FBXO47: variants seen among roughly 807,000 people sequenced by gnomAD.
The protein encoded by FBXO47 is F-box protein 47.
Under a neutral mutation model 53.9 loss-of-function variants are expected in FBXO47, and 34 were observed. That is an observed-to-expected ratio of 0.63 (90% CI 0.48 to 0.84). The LOEUF (loss-of-function observed/expected upper bound fraction) is 0.84. Among genes scored for constraint, FBXO47 ranks in the 40% least tolerant of loss-of-function variants. The probability of loss-of-function intolerance (pLI) is 0.00; values close to 1 mark genes in which losing one functional copy is unlikely to be tolerated. For synonymous variants in FBXO47, 165 were observed against 181.6 expected, an observed-to-expected ratio of 0.91 and a Z score of 0.73; for missense variants, 485 against 541.3, an observed-to-expected ratio of 0.90 and a Z score of 1.03.
intron 1 of FBXO47, among the ~76,000 whole-genome samples, chr17:38,963,288 C>T (rs1033443635): frequency 6.6e-5 from 10 of 152,198 alleles, no homozygotes; most frequent in African/African-American, 2.4e-4. Context: ...AGTGGTTCTT[C>T]TGCCTCAGCC....
chr17:38,966,062 T>A (rs1231072791), intron 1 of FBXO47, among the ~76,000 whole-genome samples: 1 of 152,174 alleles, frequency 6.6e-6, no homozygotes, highest in Non-Finnish European at 1.5e-5. Flanking sequence ...AATCTGCTTT[T>A]TTCAATGAAT....
chr17:38,943,704 G>T lies in FBXO47; in HGVS notation c.826C>A (p.Pro276Thr), dbSNP rs1408800329. Residue 276 changes from proline to threonine, a missense_variant, in exon 8 of 11, where the codon CCT becomes ACT. By Grantham distance (38) the Pro-to-Thr change is conservative. Transcript: ENST00000378079. The stretch of plus-strand genomic sequence containing the variant: ...CCTTTCAGACTGAATTCATCTGTAG[G>T]TTCTTCTATCATTTCCTGCCAAACC... ...QVVWQEMIEE[P>T]TDEFSLKGLA... The T allele has an allele frequency of 1.2e-6, 2 of 1,609,138 alleles. No individual in the cohort carries two copies.
intron 3 of FBXO47, among the ~76,000 whole-genome samples, chr17:38,960,418 A>G (rs1241024210): frequency 6.6e-6 from 1 of 152,146 alleles, no homozygotes; most frequent in East Asian, 1.9e-4. Context: ...ACATGAATAA[A>G]ACCATTTAAA....
At position 38,946,410 on chromosome 17, in the gene FBXO47, AT is replaced by A. The variant is rs1353785681; in HGVS notation, c.617-1275del. On this transcript the variant is annotated intron_variant, in intron 6 of 10. Transcript: ENST00000378079. The stretch of plus-strand genomic sequence containing the variant: ...TATATATCTATATATAAATATATAG[AT>A]ATATATATAACTATATAAATATATA... Among the ~76,000 whole-genome samples, 52 of 90,418 alleles carry A rather than the reference AT, an allele frequency of 5.8e-4. 2 individuals carry two copies. The highest frequency in any genetic ancestry group is 1.4e-3 in the African/African-American group (24 of 17,066). 59.3% of individuals were successfully genotyped at this position (90,418 alleles called of 152,430 possible).
At chr17:38,959,799 C>T (rs1905738537) in intron 3 of FBXO47, among the ~76,000 whole-genome samples, 1 of 151,858 alleles carries the variant, frequency 6.6e-6, no homozygotes, top group Non-Finnish European at 1.5e-5. Flanking sequence ...GTTTTGTCCT[C>T]TAATTTGTTT....
chr17:38,939,688 T>A lies in FBXO47; in HGVS notation c.1084-956A>T, dbSNP rs1391150726. Among the ~76,000 whole-genome samples, 333 of 119,838 alleles carry A rather than the reference T, an allele frequency of 2.8e-3. 4 individuals are homozygous for A. Among genetic ancestry groups the A allele is most frequent in the African/African-American group, 0.011 (323 of 29,542 alleles). The allele number at this position is 119,838 out of a possible 152,430, so 78.6% of individuals were successfully genotyped here. On this transcript the variant is annotated intron_variant, in intron 9 of 10. Transcript: ENST00000378079. ...TTTTTTTTTTTTTTTTGAGACGGAG[T>A]CTCACTCTGTCGCCCAGGCCGGACT...
At chr17:38,965,942 G>GA (rs1021643311) in intron 1 of FBXO47, among the ~76,000 whole-genome samples, 1 of 149,678 alleles carries the variant, frequency 6.7e-6, no homozygotes, top group African/African-American at 2.5e-5. Context: ...TAAACAAGAA[G>GA]AAAAAAATTA....
chr17:38,941,212 C>T (rs1206919021), intron 9 of FBXO47, among the ~76,000 whole-genome samples: 2 of 151,562 alleles, frequency 1.3e-5, no homozygotes, highest in African/African-American at 2.4e-5. Flanking sequence ...CACTCTGTCA[C>T]CTAGGCTGGA....
intron 7 of FBXO47, among the ~76,000 whole-genome samples, chr17:38,944,191 A>ATGTGTGTGTGTGTGTGTGTG (rs71141737): frequency 1.5e-5 from 2 of 133,614 alleles, no homozygotes; most frequent in Admixed American, 7.7e-5. Context: ...CAAAAAAAAC[A>ATGTGTGTGTGTGTGTGTGTG]TGTGTGTGTG....
chr17:38,947,567 C>T, intron 6 of FBXO47, among the ~76,000 whole-genome samples: 1 of 152,008 alleles, frequency 6.6e-6, no homozygotes, highest in East Asian at 1.9e-4. Context: ...CTTAGCCTCC[C>T]AAAGTGTTGA....
chr17:38,937,545 T>G (rs1224723554), intron 10 of FBXO47, among the ~76,000 whole-genome samples: 2 of 151,532 alleles, frequency 1.3e-5, no homozygotes, highest in Non-Finnish European at 2.9e-5. Flanking sequence ...TTAGTAGAGA[T>G]GAGGTCTCTC....
chr17:38,963,111 AT>A (rs367800614), intron 1 of FBXO47, 60 bp from the exon 2 acceptor site: 27,752 of 896,470 alleles, frequency 0.031, no homozygotes, highest in South Asian at 0.045. Context: ...CAAGAAAGAG[AT>A]TTTTTTTTTT....
chr17:38,962,973 C>CT lies in FBXO47; in HGVS notation c.52dup (p.Arg18LysfsTer3). On this transcript the variant is annotated frameshift_variant, in exon 2 of 11. Coordinates refer to ENST00000378079, the MANE Select transcript of FBXO47 (RefSeq NM_001008777.3). LOFTEE classifies it high-confidence loss of function. ...ACAGCTGGTTTGACGATTACTACGT[C>CT]TAAGTTTCTGGTTGGGAATCAAAGT... is the stretch of plus-strand genomic sequence containing the variant. The CT allele has an allele frequency of 6.2e-7, 1 of 1,612,244 alleles. No individual in the cohort carries two copies. Among genetic ancestry groups the CT allele is most frequent in the Non-Finnish European group, 8.5e-7 (1 of 1,178,746 alleles).
At chr17:38,963,753 C>A (rs951300687) in intron 1 of FBXO47, among the ~76,000 whole-genome samples, 1 of 150,004 alleles carries the variant, frequency 6.7e-6, no homozygotes, top group African/African-American at 2.5e-5. Flanking sequence ...GAATTAAAGT[C>A]TTTCTTCTTT....
intron 6 of FBXO47, among the ~76,000 whole-genome samples, chr17:38,948,936 C>A (rs1905070516): frequency 6.6e-6 from 1 of 151,860 alleles, no homozygotes; most frequent in Admixed American, 6.6e-5. Context: ...AGATATTAAG[C>A]CCAGCATCCA....
chr17:38,965,895 A>AAT (rs199981108), intron 1 of FBXO47, among the ~76,000 whole-genome samples: 2 of 151,008 alleles, frequency 1.3e-5, no homozygotes, highest in African/African-American at 4.9e-5. Flanking sequence ...AAAAAAAAAA[A>AAT]AATAATTACA....
At chr17:38,958,905 C>T (rs1416352140) in intron 3 of FBXO47, among the ~76,000 whole-genome samples, 1 of 152,010 alleles carries the variant, frequency 6.6e-6, no homozygotes, top group Admixed American at 6.6e-5. Context: ...GGTTTTTAAG[C>T]TGAGTTCTTT....
rs767233486 is a variant in FBXO47, at chr17:38,937,266, C to T, written c.1268G>A (p.Ser423Asn). Residue 423 changes from serine (S) to asparagine (N), a missense_variant, in exon 11 of 11, where the codon AGC (serine) becomes AAC (asparagine). Transcript: ENST00000378079. ...MSGDRDEDDRSFLNLFHLVHA... is the reference protein window; with the variant it reads ...MSGDRDEDDRNFLNLFHLVHA... ...TACAAGATGGAACAAATTCAAAAAGCTTCTGTCATCTTCATCACGGTCTCC... is the reference window on the plus strand; with the variant it reads ...TACAAGATGGAACAAATTCAAAAAGTTTCTGTCATCTTCATCACGGTCTCC... The T allele has an allele frequency of 1.2e-6, 2 of 1,601,078 alleles. No individual in the cohort carries two copies. The highest frequency in any genetic ancestry group is 1.7e-6 in the Non-Finnish European group (2 of 1,169,292).
At chr17:38,937,340 G>A (rs200167569) in intron 10 of FBXO47, 50 bp from the exon 11 acceptor site, 70 of 663,278 alleles carry the variant, frequency 1.1e-4, no homozygotes, top group Non-Finnish European at 1.5e-4. Context: ...AAAATGTTAA[G>A]TATATAATTT....
Sources: gnomAD v4.1 joint callset for allele counts (sites outside exome capture counted in the v4.1 genomes callset) on GRCh38, gnomAD v4.1.1 for gene constraint, MANE v1.5 for transcripts, NCBI Gene and HGNC (gene_info 2026-07-23, HGNC 2026-07-21) for gene names.